The following AGL variants were observed in gnomAD, a reference collection of about 807,000 sequenced individuals.
The protein encoded by AGL is glycogen debranching enzyme.
In AGL, 128 loss-of-function variants were observed where a neutral mutation model predicts 199.3. That is an observed-to-expected ratio of 0.64 (90% CI 0.56 to 0.74). The LOEUF (loss-of-function observed/expected upper bound fraction) is 0.74, where lower values mean the gene tolerates loss of function less well. Ranked by LOEUF, AGL falls within the 30% of genes least tolerant of loss-of-function variation. AGL has a pLI of 0.00. For missense variants in AGL, 1,809 were observed against 1,820.8 expected, an observed-to-expected ratio of 0.99 and a Z score of 0.12; for synonymous variants, 584 against 594.7, an observed-to-expected ratio of 0.98 and a Z score of 0.26.
upstream of AGL, among the ~76,000 whole-genome samples, chr1:99,849,722 C>CT (rs1458064258): frequency 6.6e-6 from 1 of 152,190 alleles, no homozygotes; most frequent in African/African-American, 2.4e-5. Context: ...AATCAGGACT[C>CT]TGAGAACTTA....
Position 99,874,681 on chromosome 1 carries a change from T to C in AGL, c.959-6T>C. Reference sequence around the variant, plus strand: ...CATTTAAGGTATCGTCTTTTCTTTCTTTTAGAAAATAGGCGAGTAACCAAG... The same window carrying C: ...CATTTAAGGTATCGTCTTTTCTTTCCTTTAGAAAATAGGCGAGTAACCAAG... On this transcript the variant is annotated splice_polypyrimidine_tract_variant and splice_region_variant and intron_variant, in intron 7 of 33. Coordinates refer to ENST00000361915, the MANE Select transcript of AGL (RefSeq NM_000642.3). The C allele has an allele frequency of 1.2e-6, 2 of 1,609,348 alleles. No individual in the cohort carries two copies. Among genetic ancestry groups the C allele is most frequent in the East Asian group, 2.2e-5 (1 of 44,814 alleles).
At chr1:99,879,881 TG>T (rs1651865214) in intron 12 of AGL, 41 bp from the exon 13 acceptor site, 1 of 1,534,132 alleles carries the variant, frequency 6.5e-7, no homozygotes, top group African/African-American at 1.4e-5. Flanking sequence ...TTTCTCTTTC[TG>T]TTACATTTAT....
chr1:99,861,213 A>G (rs949368045), intron 2 of AGL: 5 of 1,267,322 alleles, frequency 3.9e-6, no homozygotes, highest in South Asian at 1.6e-5. Flanking sequence ...ATGGGGTTGT[A>G]TAAGAATTTG....
intron 6 of AGL, 81 bp downstream of exon 6, chr1:99,870,662 T>TAA (rs1465131566): frequency 2.6e-6 from 4 of 1,511,262 alleles, no homozygotes; most frequent in Non-Finnish European, 3.7e-6. Context: ...GAAAATTACT[T>TAA]AGAACCTGTA....
intron 27 of AGL, among the ~76,000 whole-genome samples, chr1:99,905,257 C>T (rs949423591): frequency 1.3e-5 from 2 of 152,046 alleles, no homozygotes; most frequent in East Asian, 1.9e-4. Flanking sequence ...AGTGCAGTGG[C>T]GCAATCTCAG....
At chr1:99,892,392 G>T (rs556521272) in intron 23 of AGL, 40 bp from the exon 24 acceptor site, 1 of 1,585,866 alleles carries the variant, frequency 6.3e-7, no homozygotes, top group African/African-American at 1.3e-5. Context: ...GCTAAAAATT[G>T]TATTTCTACA....
chr1:99,895,017 A>C (rs1356386562), intron 24 of AGL, among the ~76,000 whole-genome samples: 1 of 152,162 alleles, frequency 6.6e-6, no homozygotes, highest in African/African-American at 2.4e-5. Flanking sequence ...AGTTTCCCCT[A>C]ACCAAAATAT....
intron 28 of AGL, 95 bp from the exon 29 acceptor site, chr1:99,912,310 G>A: frequency 1.1e-6 from 1 of 887,370 alleles, no homozygotes; most frequent in Non-Finnish European, 1.8e-6. Flanking sequence ...TTCATAATAT[G>A]TTATATGATT....
In AGL at chr1:99,884,451, G is replaced by A. The variant is rs1188190033; in HGVS notation, c.2546G>A (p.Arg849Lys). ...NLSPGSVIIF[R>K]VSLDPHAQVA... Reference sequence around the variant, plus strand: ...TCTCCAGGAAGTGTTATTATATTCAGGTATGTTAATTGAGCTCAAACTGTT... The same window carrying A: ...TCTCCAGGAAGTGTTATTATATTCAAGTATGTTAATTGAGCTCAAACTGTT... The change falls in exon 19 of 34, where the codon AGA becomes AAA. Residue 849 changes from arginine (R) to lysine (K), a missense_variant and splice_region_variant. By Grantham distance (26) the Arg-to-Lys change is conservative (BLOSUM62 2). Coordinates refer to ENST00000361915, the MANE Select transcript of AGL (RefSeq NM_000642.3). The A allele has an allele frequency of 8.7e-6, 14 of 1,606,442 alleles. No individual in the cohort carries two copies. Among genetic ancestry groups the A allele is most frequent in the Non-Finnish European group, 1.2e-5 (14 of 1,174,268 alleles).
intron 24 of AGL, among the ~76,000 whole-genome samples, 195 bp downstream of exon 24, chr1:99,892,802 A>G (rs1653011272): frequency 6.7e-6 from 1 of 149,280 alleles, no homozygotes; most frequent in African/African-American, 2.5e-5. Flanking sequence ...TGCACCAGGC[A>G]TTTATGTGTG....
chr1:99,923,930 A>G lies in AGL; in HGVS notation c.*2279A>G, dbSNP rs558035334. On this transcript the variant is annotated 3_prime_UTR_variant, in exon 34 of 34. Transcript: ENST00000361915. The stretch of plus-strand genomic sequence containing the variant: ...TATTGTAACATGTGAATTGTGATCC[A>G]TTTCTGATATGTCTTGAACTACTGT... The G allele has an allele frequency of 1.3e-5, 2 of 152,280 alleles. No individual in the cohort carries two copies. The highest frequency in any genetic ancestry group is 4.8e-5 in the African/African-American group (2 of 41,560). The allele number at this position is 152,280 out of a possible 1,614,324, so 9.4% of individuals were successfully genotyped here.
At chr1:99,852,576 A>G (rs1379391994) in intron 2 of AGL, 27 of 621,972 alleles carry the variant, frequency 4.3e-5, no homozygotes, top group Non-Finnish European at 6.9e-5. Flanking sequence ...GGGTCTCACT[A>G]TGTTGCCCAG....
At chr1:99,851,945 G>A (rs937541400) in intron 2 of AGL, among the ~76,000 whole-genome samples, 2 of 151,962 alleles carry the variant, frequency 1.3e-5, no homozygotes, top group Non-Finnish European at 2.9e-5. Context: ...CCAAATCCGC[G>A]CCTTTTTCCA....
rs867593152 is a variant in AGL, at chr1:99,875,144, T to G, written c.1083-10T>G. ...TAAATATTATATCTGCATTTCTCCA[T>G]CTGCTCTAGCAAGGGGCCAGCAGCA... On this transcript the variant is annotated splice_polypyrimidine_tract_variant and intron_variant, in intron 8 of 33. Transcript: ENST00000361915. 1 of 1,608,622 alleles carries G rather than the reference T, an allele frequency of 6.2e-7. No homozygotes were observed. Among genetic ancestry groups the G allele is most frequent in the Middle Eastern group, 1.7e-4 (1 of 6,054 alleles).
intron 10 of AGL, 34 bp downstream of exon 10, chr1:99,875,489 T>C (rs777403850): frequency 5.6e-5 from 87 of 1,547,874 alleles, no homozygotes; most frequent in Non-Finnish European, 6.6e-5. Flanking sequence ...TTATTGATGG[T>C]TGAAAACTGA....
intron 28 of AGL, among the ~76,000 whole-genome samples, chr1:99,912,192 AT>A (rs1427164298): frequency 1.3e-5 from 2 of 152,112 alleles, no homozygotes; most frequent in African/African-American, 4.8e-5. Context: ...ACATCATAGA[AT>A]TTTTTAAAAT....
At chr1:99,897,035 T>C (rs1416424408) in intron 25 of AGL, among the ~76,000 whole-genome samples, 1 of 152,224 alleles carries the variant, frequency 6.6e-6, no homozygotes, top group Non-Finnish European at 1.5e-5. Context: ...CAGGCTGGTC[T>C]TGAACTCCCG....
chr1:99,903,497 G>A (rs1570489052), intron 27 of AGL, among the ~76,000 whole-genome samples: 2 of 152,232 alleles, frequency 1.3e-5, no homozygotes, highest in East Asian at 3.9e-4. Flanking sequence ...AGTATTCCAT[G>A]GTGTATATGT....
At chr1:99,903,206 A>G (rs370300923) in intron 27 of AGL, among the ~76,000 whole-genome samples, 1 of 152,176 alleles carries the variant, frequency 6.6e-6, no homozygotes, top group African/African-American at 2.4e-5. Context: ...TTACATATGT[A>G]TACATGTGCC....
Sources: allele counts gnomAD v4.1 joint callset (sites outside exome capture counted in the v4.1 genomes callset), GRCh38; gene constraint gnomAD v4.1.1; transcripts MANE v1.5; gene names NCBI Gene and HGNC (gene_info 2026-07-23, HGNC 2026-07-21).